GBX1: variants seen among roughly 807,000 people sequenced by gnomAD.
GBX1 encodes homeobox protein GBX-1.
In GBX1, 9 loss-of-function variants were observed where a neutral mutation model predicts 22.9. That is an observed-to-expected ratio of 0.39 (90% CI 0.24 to 0.69). GBX1 has a LOEUF of 0.69. GBX1 is among the 30% of genes least tolerant of loss of function. The pLI is 0.43. For synonymous variants in GBX1, 203 were observed against 227.3 expected, an observed-to-expected ratio of 0.89 and a Z score of 0.96; for missense variants, 494 against 509.2, an observed-to-expected ratio of 0.97 and a Z score of 0.29.
rs747755384 is a variant in GBX1 at position 151,148,160 on chromosome 7, T to C, written c.*429A>G. Among the ~76,000 whole-genome samples, 1 of 152,128 alleles carries C rather than the reference T, an allele frequency of 6.6e-6. No individual in the cohort carries two copies. Among genetic ancestry groups the C allele is most frequent in the Non-Finnish European group, 1.5e-5 (1 of 68,020 alleles). The stretch of plus-strand genomic sequence containing the variant: ...AGACGTACAGAGACAGATAGCTCCA[T>C]ATATACACATTTACACAAATAAATA... On this transcript the variant is annotated 3_prime_UTR_variant, in exon 2 of 2. Transcript: ENST00000297537. This position sits in a 1 kb window ranked among gnomAD's most constrained non-coding sequence, Gnocchi z 5.1.
intron 1 of GBX1, 130 bp from the exon 2 acceptor site, chr7:151,149,272 G>A (rs1584800839): frequency 1.2e-6 from 1 of 841,632 alleles, no homozygotes; most frequent in Non-Finnish European, 1.9e-6. Flanking sequence ...GAGCCATGGA[G>A]AGGAGAAGAT....
intron 1 of GBX1, among the ~76,000 whole-genome samples, chr7:151,155,601 C>CA (rs751371650): frequency 1.2e-3 from 184 of 152,014 alleles, no homozygotes; most frequent in Non-Finnish European, 2.2e-3. Context: ...TACTCCAAGT[C>CA]AAAAAAATTT....
intron 1 of GBX1, among the ~76,000 whole-genome samples, chr7:151,157,751 C>G (rs1377180754): frequency 6.6e-6 from 1 of 152,198 alleles, no homozygotes; most frequent in African/African-American, 2.4e-5. Flanking sequence ...AACAGCATTT[C>G]TCTACCTTCC....
chr7:151,165,058 A>G (rs896538791), intron 1 of GBX1, among the ~76,000 whole-genome samples: 3 of 151,974 alleles, frequency 2.0e-5, no homozygotes, highest in African/African-American at 7.3e-5. Context: ...CTTTTCATTT[A>G]GTCCAGTCCA....
intron 1 of GBX1, among the ~76,000 whole-genome samples, chr7:151,152,085 T>C (rs561051173): frequency 9.8e-5 from 15 of 152,364 alleles, no homozygotes; most frequent in South Asian, 6.2e-4. Flanking sequence ...AAAGTAGGTA[T>C]TCTGAATATT....
At position 151,167,394 on chromosome 7, in the gene GBX1, T is replaced by C; in HGVS notation, c.155A>G (p.Tyr52Cys). Residue 52 changes from tyrosine to cysteine, a missense_variant, in exon 1 of 2, where the codon TAC becomes TGC. Around this residue, in one of 3 missense-constraint regions of GBX1, gnomAD observed 365 missense variants for 340.4 expected, o/e 1.07. Transcript: ENST00000297537. The surrounding 1 kb of genome is among the most constrained non-coding windows in gnomAD (Gnocchi z 5.9). Reference sequence around the variant, plus strand: ...CGCCTGCGGCAGCACGAGCGGCCGGTAGGGCATGAACATGGGGTAGCCGGT... The same window carrying C: ...CGCCTGCGGCAGCACGAGCGGCCGGCAGGGCATGAACATGGGGTAGCCGGT... The part of the protein sequence containing the change: ...LYTGYPMFMP[Y>C]RPLVLPQALA... The C allele has an allele frequency of 6.6e-7, 1 of 1,513,576 alleles. No individual in the cohort carries two copies. The highest frequency in any genetic ancestry group is 8.8e-7 in the Non-Finnish European group (1 of 1,132,972). The allele number at this position is 1,513,576 out of a possible 1,614,324, so 93.8% of individuals were successfully genotyped here. A position where few individuals can be genotyped will look rare whatever the true frequency, so the allele number is the denominator to read the frequency against.
chr7:151,150,902 T>C (rs755361539), intron 1 of GBX1, among the ~76,000 whole-genome samples: 3 of 152,092 alleles, frequency 2.0e-5, no homozygotes, highest in Non-Finnish European at 4.4e-5. Flanking sequence ...GTTAATTCTG[T>C]TTATTTTTTT....
intron 1 of GBX1, among the ~76,000 whole-genome samples, chr7:151,157,987 G>A (rs944525041): frequency 6.6e-6 from 1 of 152,222 alleles, no homozygotes; most frequent in African/African-American, 2.4e-5. Flanking sequence ...AGGAGAGAAT[G>A]AGGTGAAGAC....
At chr7:151,149,346 A>G (rs1256253671) in intron 1 of GBX1, among the ~76,000 whole-genome samples, 1 of 152,174 alleles carries the variant, frequency 6.6e-6, no homozygotes, top group African/African-American at 2.4e-5. Flanking sequence ...GGTTTAGGGA[A>G]AACAAAGAAA....
At position 151,167,467 on chromosome 7, in the gene GBX1, C is replaced by G; in HGVS notation, c.82G>C (p.Asp28His). ...GGCGGCGGCGGCCCGATTAGGGAGT[C>G]GATGGAGAAGGCAGTGCCCGGGCCC... is the stretch of plus-strand genomic sequence containing the variant. The part of the protein sequence containing the change: ...GGGPGTAFSI[D>H]SLIGPPPPRS... Residue 28 changes from aspartate to histidine, a missense_variant, in exon 1 of 2, where the codon GAC (aspartate) becomes CAC (histidine). Physicochemically the swap from Asp to His is moderately conservative, Grantham distance 81. Transcript: ENST00000297537. The surrounding 1 kb of genome is among the most constrained non-coding windows in gnomAD (Gnocchi z 5.9). 4.0e-6 allele frequency: 6 copies of G among 1,510,456 alleles called. No homozygotes were observed. Among genetic ancestry groups the G allele is most frequent in the Non-Finnish European group, 5.3e-6 (6 of 1,133,796 alleles). 93.6% of individuals were successfully genotyped at this position (1,510,456 alleles called of 1,614,324 possible).
chr7:151,150,648 T>G (rs931382460), intron 1 of GBX1, among the ~76,000 whole-genome samples: 1 of 150,996 alleles, frequency 6.6e-6, no homozygotes, highest in Non-Finnish European at 1.5e-5. Context: ...CCCTGCCAAG[T>G]TCCCTTCCCC....
chr7:151,149,761 C>T, intron 1 of GBX1: 1 of 366,754 alleles, frequency 2.7e-6, no homozygotes, highest in South Asian at 2.0e-5. Context: ...CTCCTCCTCT[C>T]CCTCTTCCCT....
chr7:151,149,249 G>A, intron 1 of GBX1, 107 bp from the exon 2 acceptor site: 1 of 1,111,454 alleles, frequency 9.0e-7, no homozygotes, highest in East Asian at 2.4e-5. Flanking sequence ...GGAGACAAGA[G>A]CAGGAAAAAA....
At chr7:151,150,282 C>T (rs2150547266) in intron 1 of GBX1, among the ~76,000 whole-genome samples, 1 of 152,288 alleles carries the variant, frequency 6.6e-6, no homozygotes, top group Non-Finnish European at 1.5e-5. Context: ...ACTCCGTTTT[C>T]TACTCAAAGG....
rs569641862 is a variant in GBX1, at chr7:151,162,294, T to C, written c.538+4717A>G. ...TCCACGTCATATTATCATTTTCTGT[T>C]TTCCTCTCATAAGTAAATATCATAT... On this transcript the variant is annotated intron_variant, in intron 1 of 1. Coordinates refer to ENST00000297537, the MANE Select transcript of GBX1 (RefSeq NM_001098834.3). Among the ~76,000 whole-genome samples, 75 of 152,322 alleles carry C rather than the reference T, an allele frequency of 4.9e-4. 3 individuals are homozygous for C. In the South Asian group the frequency reaches 0.015, roughly 30 times the overall value.
intron 1 of GBX1, among the ~76,000 whole-genome samples, chr7:151,158,700 C>CA (rs1409212583): frequency 4.6e-5 from 7 of 152,104 alleles, no homozygotes; most frequent in Admixed American, 3.9e-4. Context: ...TATCATCACT[C>CA]CCAGAAATAT....
Position 151,148,895 on chromosome 7 carries a change from TCGG to T in GBX1, c.783_785del (p.Ser261del), listed in dbSNP as rs770708910. 6.2e-7 allele frequency: 1 copy of T among 1,614,132 alleles called. No homozygotes were observed. The highest frequency in any genetic ancestry group is 1.1e-5 in the South Asian group (1 of 91,070). On this transcript the variant is annotated inframe_deletion, in exon 2 of 2. Transcript: ENST00000297537. This position sits in a 1 kb window ranked among gnomAD's most constrained non-coding sequence, Gnocchi z 5.1. Reference sequence around the variant, plus strand: ...CGCTGGTAAATGCTGTGCGGCGCCGTCGGCTTTTCCCCCCAGGAGCTGTGACCC... The same window carrying T: ...CGCTGGTAAATGCTGTGCGGCGCCGTCTTTTCCCCCCAGGAGCTGTGACCC...
intron 1 of GBX1, among the ~76,000 whole-genome samples, chr7:151,150,435 G>A (rs1450519865): frequency 2.0e-5 from 3 of 152,200 alleles, no homozygotes; most frequent in Non-Finnish European, 4.4e-5. Context: ...CTATATGTAG[G>A]AATGCATCTC....
At chr7:151,166,910 C>A in intron 1 of GBX1, 101 bp downstream of exon 1, 2 of 1,201,838 alleles carry the variant, frequency 1.7e-6, no homozygotes, top group South Asian at 2.6e-5. Flanking sequence ...GACTTCAAGG[C>A]TCCAGGCAGG....
Sources: allele counts gnomAD v4.1 joint callset (sites outside exome capture counted in the v4.1 genomes callset), GRCh38; gene constraint gnomAD v4.1.1; regional missense constraint gnomAD v4.1.1; non-coding constraint Gnocchi (gnomAD v3.1); transcripts MANE v1.5; gene names NCBI Gene and HGNC (gene_info 2026-07-23, HGNC 2026-07-21).